Variants in CELF5 observed in about 807,000 individuals in gnomAD.
CELF5 encodes the protein CUG-BP and ETR-3 like factor 5.
In CELF5, 6 loss-of-function variants were observed where a neutral mutation model predicts 54.9. The observed-to-expected ratio is 0.11, with a 90% CI of 0.06 to 0.22. CELF5 has a LOEUF of 0.22. Ranked by LOEUF, CELF5 falls within the 10% of genes least tolerant of loss-of-function variation. The probability of loss-of-function intolerance (pLI) is 1.00; values close to 1 mark genes in which losing one functional copy is unlikely to be tolerated. For missense variants in CELF5, 401 were observed against 678.6 expected (o/e 0.59, Z 4.54); for synonymous variants, 271 against 290.9 (o/e 0.93, Z 0.70).
At position 3,224,956 on chromosome 19, in the gene CELF5, G is replaced by C; in HGVS notation, c.217G>C (p.Glu73Gln). 6.2e-7 allele frequency: 1 copy of C among 1,607,606 alleles called. No individual in the cohort carries two copies. The highest frequency in any genetic ancestry group is 8.5e-7 in the Non-Finnish European group (1 of 1,177,378). ...CTTCGAGCAGTTCGGCCGCATCTAC[G>C]AGCTCACGGTGCTCAAAGACCCCTA... Reference protein sequence around the residue: ...PLFEQFGRIYELTVLKDPYTG... With the variant: ...PLFEQFGRIYQLTVLKDPYTG... The change falls in exon 1 of 13, where the codon GAG becomes CAG. Residue 73 changes from glutamate to glutamine, a missense_variant. By Grantham distance (29) the Glu-to-Gln change is conservative (BLOSUM62 2). Around this residue, in one of 6 missense-constraint regions of CELF5, gnomAD observed 66 missense variants for 132.3 expected, o/e 0.50. Transcript: ENST00000292672.
At chr19:3,266,100 G>A (rs999239876) in intron 2 of CELF5, among the ~76,000 whole-genome samples, 5 of 152,236 alleles carry the variant, frequency 3.3e-5, no homozygotes, top group East Asian at 1.9e-4. Flanking sequence ...AGCGCACCAC[G>A]CCCGACCCCC....
At position 3,281,456 on chromosome 19, in the gene CELF5, C is replaced by G; in HGVS notation, c.750+111C>G. On this transcript the variant is annotated intron_variant, in intron 6 of 12. Coordinates refer to ENST00000292672, the MANE Select transcript of CELF5 (RefSeq NM_021938.4). This position sits in a 1 kb window ranked among gnomAD's most constrained non-coding sequence, Gnocchi z 6.5. ...CCATCTCCCTGACTCAGGGTCCTCT[C>G]CTGGCGTGGCTGAACCCCAACTCCA... The G allele has an allele frequency of 7.9e-7, 1 of 1,263,874 alleles. No individual in the cohort carries two copies. The highest frequency in any genetic ancestry group is 1.5e-5 in the African/African-American group (1 of 67,536). 78.3% of individuals were successfully genotyped at this position (1,263,874 alleles called of 1,614,324 possible). A position where few individuals can be genotyped will look rare whatever the true frequency, so the allele number is the denominator to read the frequency against.
Position 3,281,182 on chromosome 19 carries a change from C to A in CELF5, c.604-17C>A. On this transcript the variant is annotated splice_polypyrimidine_tract_variant and intron_variant, in intron 5 of 12. Transcript: ENST00000292672. The surrounding 1 kb of genome is among the most constrained non-coding windows in gnomAD (Gnocchi z 6.5). Reference sequence around the variant, plus strand: ...CTCCCAGCCCGTTTCCCTCCCTGCTCGCCGCTGCCCCTGCAGGGAGCCTCC... The same window carrying A: ...CTCCCAGCCCGTTTCCCTCCCTGCTAGCCGCTGCCCCTGCAGGGAGCCTCC... 6.3e-7 allele frequency: 1 copy of A among 1,598,096 alleles called. No individual in the cohort carries two copies. Among genetic ancestry groups the A allele is most frequent in the Non-Finnish European group, 8.5e-7 (1 of 1,174,670 alleles).
chr19:3,293,389 C>T lies in CELF5; in HGVS notation c.1401C>T (p.Gly467=). ...AIQAMNGFQI[G]MKRLKVQLKR... is the part of the protein sequence containing the mutation. The stretch of plus-strand genomic sequence containing the variant: ...AGGCCATGAACGGCTTCCAGATCGG[C>T]ATGAAGAGGCTCAAAGTCCAGCTGA... The change falls in exon 12 of 13, where the codon GGC becomes GGT. Residue 467 remains glycine (G), a synonymous_variant. Transcript: ENST00000292672. 6.2e-7 allele frequency: 1 copy of T among 1,614,138 alleles called. No homozygotes were observed. The highest frequency in any genetic ancestry group is 8.5e-7 in the Non-Finnish European group (1 of 1,179,982).
intron 8 of CELF5, among the ~76,000 whole-genome samples, chr19:3,283,278 T>C (rs1041525592): frequency 2.6e-5 from 4 of 152,220 alleles, no homozygotes; most frequent in Non-Finnish European, 4.4e-5. Context: ...ACATCTAATT[T>C]ATGTGAAGTA....
chr19:3,284,875 CCACT>C (rs2080209751), intron 8 of CELF5, 23 bp from the exon 9 acceptor site: 1 of 1,608,626 alleles, frequency 6.2e-7, no homozygotes. Flanking sequence ...TGCTCCCGCC[CCACT>C]CAGCCCCTCT....
At chr19:3,263,794 ACT>A (rs1218893736) in intron 2 of CELF5, among the ~76,000 whole-genome samples, 5 of 150,726 alleles carry the variant, frequency 3.3e-5, no homozygotes, top group African/African-American at 4.9e-5. Context: ...GATTCCAGCT[ACT>A]CAGGAGGCTG....
At chr19:3,256,071 A>AAAAAAAAAAAAAAAAAAT in intron 2 of CELF5, among the ~76,000 whole-genome samples, 1 of 151,940 alleles carries the variant, frequency 6.6e-6, no homozygotes, top group Non-Finnish European at 1.5e-5. Context: ...TCTCAAAAAA[A>AAAAAAAAAAAAAAAAAAT]AAGGAAAGGT....
At chr19:3,290,133 G>A (rs1568366592) in intron 10 of CELF5, 98 bp from the exon 11 acceptor site, 1 of 900,182 alleles carries the variant, frequency 1.1e-6, no homozygotes, top group Non-Finnish European at 1.7e-6. Flanking sequence ...CCCGACAGCT[G>A]GAGAAGCCAG....
At chr19:3,285,032 G>A (rs1333410176) in intron 9 of CELF5, 68 bp downstream of exon 9, 2 of 1,154,010 alleles carry the variant, frequency 1.7e-6, no homozygotes, top group Non-Finnish European at 2.5e-6. Flanking sequence ...CGCCCCCAGG[G>A]CCCGCCCCGG....
Position 3,293,547 on chromosome 19 carries a change from C to T in CELF5, c.*40+61C>T, listed in dbSNP as rs1319785825. On this transcript the variant is annotated intron_variant, in intron 12 of 12. Coordinates refer to ENST00000292672, the MANE Select transcript of CELF5 (RefSeq NM_021938.4). The stretch of plus-strand genomic sequence containing the variant: ...CCCCGTCTTGTCTGAAACCCCCTCC[C>T]GCGGCCCACTTCATGCTCCAAACCC... The T allele has an allele frequency of 8.7e-6, 12 of 1,383,672 alleles. No individual in the cohort carries two copies. In the East Asian group the frequency reaches 1.7e-4, roughly 20 times the overall value. The allele number at this position is 1,383,672 out of a possible 1,614,324, so 85.7% of individuals were successfully genotyped here.
intron 1 of CELF5, among the ~76,000 whole-genome samples, chr19:3,241,085 C>G (rs370279292): frequency 1.4e-4 from 20 of 139,984 alleles, no homozygotes; most frequent in African/African-American, 5.0e-4. Context: ...TTTTTTGAGG[C>G]GGAGTCTTGC....
chr19:3,226,469 C>CACACAG (rs1277958171), intron 1 of CELF5, among the ~76,000 whole-genome samples: 3 of 150,666 alleles, frequency 2.0e-5, no homozygotes, highest in South Asian at 2.1e-4. Flanking sequence ...CACACACACA[C>CACACAG]ACACACAAAA....
chr19:3,261,935 C>T (rs966145557), intron 2 of CELF5, among the ~76,000 whole-genome samples: 2 of 152,160 alleles, frequency 1.3e-5, no homozygotes, highest in African/African-American at 2.4e-5. Flanking sequence ...AAGTTCTCTG[C>T]CTGTGCTGTG....
rs575584575 is a variant in CELF5 at position 3,278,614 on chromosome 19, G to A, written c.603+504G>A. On this transcript the variant is annotated intron_variant, in intron 5 of 12. Coordinates refer to ENST00000292672, the MANE Select transcript of CELF5 (RefSeq NM_021938.4). The surrounding 1 kb of genome is among the most constrained non-coding windows in gnomAD (Gnocchi z 4.5). ...TCTATGTGTGTGAGCGTGTGTGTGA[G>A]TATGCCTGGGCCACGGGGGAGGAAG... Among the ~76,000 whole-genome samples the A allele has an allele frequency of 1.9e-4, 29 of 152,086 alleles. No individual in the cohort carries two copies. In the South Asian group the frequency reaches 5.6e-3, roughly 29 times the overall value.
At chr19:3,252,960 G>A (rs183720905) in intron 2 of CELF5, among the ~76,000 whole-genome samples, 2 of 152,074 alleles carry the variant, frequency 1.3e-5, no homozygotes, top group Admixed American at 1.3e-4. Context: ...CCTGAAAGAT[G>A]GCATGGAAGG....
chr19:3,271,421 G>T (rs1462556280), intron 2 of CELF5, among the ~76,000 whole-genome samples: 2 of 152,166 alleles, frequency 1.3e-5, no homozygotes, highest in Non-Finnish European at 2.9e-5. Context: ...GCTGGGTGGG[G>T]GAAGAGCATG....
chr19:3,285,953 A>G lies in CELF5; in HGVS notation c.1114A>G (p.Thr372Ala). 6.4e-7 allele frequency: 1 copy of G among 1,573,126 alleles called. No individual in the cohort carries two copies. The highest frequency in any genetic ancestry group is 1.5e-5 in the African/African-American group (1 of 68,888). Residue 372 changes from threonine (T) to alanine (A), a missense_variant, in exon 10 of 13, where the codon ACC (threonine) becomes GCC (alanine). Physicochemically the swap from Thr to Ala is moderately conservative, Grantham distance 58. Around this residue, in one of 6 missense-constraint regions of CELF5, gnomAD observed 143 missense variants for 147.6 expected, o/e 0.97. Coordinates refer to ENST00000292672, the MANE Select transcript of CELF5 (RefSeq NM_021938.4). Reference protein sequence around the residue: ...GVQQYTAMYPTAAITPIAHSV... With the variant: ...GVQQYTAMYPAAAITPIAHSV... Reference sequence around the variant, plus strand: ...TCCGGTCTCCGCAGCCATGTACCCCACCGCGGCCATCACGCCCATCGCGCA... The same window carrying G: ...TCCGGTCTCCGCAGCCATGTACCCCGCCGCGGCCATCACGCCCATCGCGCA...
At chr19:3,242,523 A>T (rs192394754) in intron 1 of CELF5, among the ~76,000 whole-genome samples, 375 of 150,866 alleles carry the variant, frequency 2.5e-3, no homozygotes, top group African/African-American at 8.6e-3. Flanking sequence ...ATACAAAAAA[A>T]TGGCCGGGCG....
Sources: allele counts gnomAD v4.1 joint callset (sites outside exome capture counted in the v4.1 genomes callset), GRCh38; gene constraint gnomAD v4.1.1; regional missense constraint gnomAD v4.1.1; non-coding constraint Gnocchi (gnomAD v3.1); transcripts MANE v1.5; gene names NCBI Gene and HGNC (gene_info 2026-07-23, HGNC 2026-07-21).